MBOAT1: variants seen among roughly 807,000 people sequenced by gnomAD.
MBOAT1 encodes the protein membrane bound glycerophospholipid O-acyltransferase 1, also known as membrane-bound glycerophospholipid O-acyltransferase 1.
Under a neutral mutation model 64.4 loss-of-function variants are expected in MBOAT1, and 67 were observed. The ratio of observed to expected loss-of-function variants is 1.04; its 90% CI spans 0.85 to 1.27. MBOAT1 has a LOEUF of 1.27. Ranked by LOEUF, MBOAT1 falls within the 50% of genes most tolerant of loss-of-function variation. The pLI, the probability that MBOAT1 is intolerant of heterozygous loss-of-function variation, is 0.00. For synonymous variants in MBOAT1, 229 were observed against 218.9 expected (o/e 1.05, Z -0.41); for missense variants, 563 against 604.6 (o/e 0.93, Z 0.72).
intron 2 of MBOAT1, 68 bp downstream of exon 2, chr6:20,152,556 C>A: frequency 7.3e-6 from 11 of 1,496,776 alleles, no homozygotes; most frequent in Non-Finnish European, 9.9e-6. Context: ...GGCTTTAGTG[C>A]AATTCCAAGG....
At position 20,197,396 on chromosome 6, in the gene MBOAT1, C is replaced by A. The variant is rs140823144; in HGVS notation, c.99+14740G>T. The stretch of plus-strand genomic sequence containing the variant: ...ACATACCACCTCACAATCTGCCCAC[C>A]AGGAAATTCCTTGTGGACAAAGGAC... On this transcript the variant is annotated intron_variant, in intron 1 of 12. Coordinates refer to ENST00000324607, the MANE Select transcript of MBOAT1 (RefSeq NM_001080480.3). Among the ~76,000 whole-genome samples the A allele has an allele frequency of 1.6e-3, 250 of 152,260 alleles. 1 individual carries two copies. The highest frequency in any genetic ancestry group is 5.8e-3 in the African/African-American group (241 of 41,536).
intron 1 of MBOAT1, among the ~76,000 whole-genome samples, chr6:20,168,247 C>T (rs1762066343): frequency 6.6e-6 from 1 of 151,810 alleles, no homozygotes; most frequent in African/African-American, 2.4e-5. Flanking sequence ...AAATATAAAC[C>T]CAAGCAGCAT....
At chr6:20,202,505 G>GT (rs1213357412) in intron 1 of MBOAT1, among the ~76,000 whole-genome samples, 1 of 151,772 alleles carries the variant, frequency 6.6e-6, no homozygotes, top group Non-Finnish European at 1.5e-5. Context: ...AAATTAGTCA[G>GT]TTTTACTAAA....
At chr6:20,120,679 T>A (rs200727533) in intron 8 of MBOAT1, among the ~76,000 whole-genome samples, 13 of 151,500 alleles carry the variant, frequency 8.6e-5, no homozygotes, top group East Asian at 1.9e-4. Flanking sequence ...AAAAAAAATT[T>A]AAAAAAACAT....
At chr6:20,147,891 A>G (rs1353702147) in intron 3 of MBOAT1, among the ~76,000 whole-genome samples, 2 of 152,242 alleles carry the variant, frequency 1.3e-5, no homozygotes, top group East Asian at 3.8e-4. Flanking sequence ...AAGTATATTA[A>G]AAAGAGCTTG....
intron 4 of MBOAT1, among the ~76,000 whole-genome samples, chr6:20,132,995 G>A (rs1413627367): frequency 1.3e-5 from 2 of 151,922 alleles, no homozygotes; most frequent in Non-Finnish European, 2.9e-5. Flanking sequence ...AAATAATGAG[G>A]ATACATTTTC....
In MBOAT1 at chr6:20,115,371, C is replaced by T. The variant is rs1760289669; in HGVS notation, c.1012-19G>A. The stretch of plus-strand genomic sequence containing the variant: ...TGGCAGTCTGGAAAGAAGAAAATAA[C>T]ACCTATCATTAGCTTTAAAAATACC... On this transcript the variant is annotated intron_variant, in intron 9 of 12. Transcript: ENST00000324607. 6.3e-7 allele frequency: 1 copy of T among 1,594,186 alleles called. No individual in the cohort carries two copies. Among genetic ancestry groups the T allele is most frequent in the South Asian group, 1.1e-5 (1 of 90,660 alleles).
At chr6:20,164,275 C>T (rs1761951607) in intron 1 of MBOAT1, among the ~76,000 whole-genome samples, 2 of 151,902 alleles carry the variant, frequency 1.3e-5, no homozygotes, top group South Asian at 4.2e-4. Context: ...GGCCTGGAGT[C>T]ACCTTCTTTC....
At chr6:20,201,965 A>G (rs961916123) in intron 1 of MBOAT1, among the ~76,000 whole-genome samples, 1 of 152,204 alleles carries the variant, frequency 6.6e-6, no homozygotes, top group African/African-American at 2.4e-5. Context: ...AAAAGAATGT[A>G]ATAGATAAAT....
At chr6:20,195,923 G>A (rs1463297718) in intron 1 of MBOAT1, among the ~76,000 whole-genome samples, 1 of 151,988 alleles carries the variant, frequency 6.6e-6, no homozygotes, top group African/African-American at 2.4e-5. Context: ...AGGGAGAGGT[G>A]GAAGGAAGAA....
chr6:20,155,259 G>A (rs1278665120), intron 1 of MBOAT1, among the ~76,000 whole-genome samples: 2 of 152,162 alleles, frequency 1.3e-5, no homozygotes, highest in Non-Finnish European at 2.9e-5. Context: ...TCCTAGGCAG[G>A]ATCTGGCAAT....
At chr6:20,202,724 T>G (rs1021448624) in intron 1 of MBOAT1, among the ~76,000 whole-genome samples, 1 of 152,204 alleles carries the variant, frequency 6.6e-6, no homozygotes, top group Non-Finnish European at 1.5e-5. Flanking sequence ...TAAAGCACAT[T>G]TTTAACCAGT....
chr6:20,169,536 C>T lies in MBOAT1; in HGVS notation c.100-16767G>A, dbSNP rs184503458. 1.7e-3 allele frequency among the ~76,000 whole-genome samples: 258 copies of T among 151,570 alleles called. 1 individual carries two copies. The highest frequency in any genetic ancestry group is 0.014 in the Middle Eastern group (4 of 292). ...GCTTCTATTATGTAATCACCTTCTC[C>T]AAAATATGTGTGTATATTAAAAAGG... On this transcript the variant is annotated intron_variant, in intron 1 of 12. Transcript: ENST00000324607.
intron 8 of MBOAT1, among the ~76,000 whole-genome samples, chr6:20,121,178 A>G (rs1760482400): frequency 6.6e-6 from 1 of 152,226 alleles, no homozygotes; most frequent in Non-Finnish European, 1.5e-5. Flanking sequence ...AGATTCATCA[A>G]GAGGCCAGCT....
intron 2 of MBOAT1, among the ~76,000 whole-genome samples, 182 bp downstream of exon 2, chr6:20,152,442 C>A (rs1761542929): frequency 6.6e-6 from 1 of 151,652 alleles, no homozygotes; most frequent in Non-Finnish European, 1.5e-5. Flanking sequence ...AATTTATTGG[C>A]TCTTACAGTA....
intron 12 of MBOAT1, among the ~76,000 whole-genome samples, chr6:20,109,142 C>T (rs562022269): frequency 1.4e-3 from 208 of 152,284 alleles, no homozygotes; most frequent in African/African-American, 4.9e-3. Flanking sequence ...CCCCCATCAG[C>T]CTCACCAGGG....
intron 1 of MBOAT1, among the ~76,000 whole-genome samples, chr6:20,172,035 AAAAAAC>A (rs558845890): frequency 6.6e-5 from 10 of 152,258 alleles, no homozygotes; most frequent in East Asian, 1.9e-4. Flanking sequence ...TCTGTCTCTA[AAAAAAC>A]AAAAACAAAA....
intron 12 of MBOAT1, among the ~76,000 whole-genome samples, chr6:20,103,501 G>A (rs1200164912): frequency 6.6e-6 from 1 of 151,258 alleles, no homozygotes; most frequent in African/African-American, 2.4e-5. Flanking sequence ...GTGTGATCTC[G>A]GCTCACCGCA....
At chr6:20,133,729 T>C (rs1354292187) in intron 4 of MBOAT1, among the ~76,000 whole-genome samples, 2 of 152,232 alleles carry the variant, frequency 1.3e-5, no homozygotes, top group East Asian at 3.8e-4. Context: ...AAAAAGAACA[T>C]TTGTTTTCCT....
Sources: allele counts gnomAD v4.1 joint callset (sites outside exome capture counted in the v4.1 genomes callset), GRCh38; gene constraint gnomAD v4.1.1; transcripts MANE v1.5; gene names NCBI Gene and HGNC (gene_info 2026-07-23, HGNC 2026-07-21).